The following SULF2 variants were observed in gnomAD, a reference collection of about 807,000 sequenced individuals.
SULF2 encodes extracellular sulfatase Sulf-2.
Under a neutral mutation model 107.7 loss-of-function variants are expected in SULF2, and 52 were observed. That is an observed-to-expected ratio of 0.48 (90% CI 0.39 to 0.61). The LOEUF is 0.61. Ranked by LOEUF, SULF2 falls within the 20% of genes least tolerant of loss-of-function variation. The pLI, the probability that SULF2 is intolerant of heterozygous loss-of-function variation, is 0.00. For synonymous variants in SULF2, 460 were observed against 464.3 expected, an observed-to-expected ratio of 0.99 and a Z score of 0.12; for missense variants, 993 against 1,177.3, an observed-to-expected ratio of 0.84 and a Z score of 2.29.
chr20:47,712,049 C>T (rs1423120601), intron 3 of SULF2, among the ~76,000 whole-genome samples: 1 of 152,184 alleles, frequency 6.6e-6, no homozygotes, highest in Non-Finnish European at 1.5e-5. Flanking sequence ...TACACGAATA[C>T]ACAACATACA....
In SULF2 at chr20:47,664,201, C is replaced by G. The variant is rs79684977; in HGVS notation, c.1998-12G>C. ...GCTGGGTGTGGTAGCTGTAACAGAC[C>G]CCCCCAGCCCCAGGCTTCAGGAGTG... is the stretch of plus-strand genomic sequence containing the variant. On this transcript the variant is annotated splice_polypyrimidine_tract_variant and intron_variant, in intron 14 of 20. Coordinates refer to ENST00000688720, the MANE Select transcript of SULF2 (RefSeq NM_001387048.1). 39 of 1,608,790 alleles carry G rather than the reference C, an allele frequency of 2.4e-5. No homozygotes were observed. The highest frequency in any genetic ancestry group is 2.6e-5 in the Non-Finnish European group (31 of 1,178,072).
intron 3 of SULF2, among the ~76,000 whole-genome samples, chr20:47,724,108 C>T (rs376733638): frequency 2.4e-4 from 36 of 152,198 alleles, no homozygotes; most frequent in African/African-American, 5.1e-4. Context: ...GAGGTGAGCA[C>T]ACCCAGGCCA....
chr20:47,779,289 G>A lies in SULF2; in HGVS notation c.-101+6054C>T, dbSNP rs77948803. Among the ~76,000 whole-genome samples, 407 of 152,244 alleles carry A rather than the reference G, an allele frequency of 2.7e-3. 14 individuals are homozygous for A. In the East Asian group the frequency reaches 0.074, roughly 28 times the overall value. On this transcript the variant is annotated intron_variant, in intron 1 of 20. Coordinates refer to ENST00000688720, the MANE Select transcript of SULF2 (RefSeq NM_001387048.1). Reference sequence around the variant, plus strand: ...AGTTGGGACAACCTATACTGTCTCCGGATAGTGTTAAAATGTTTTCTGGGT... The same window carrying A: ...AGTTGGGACAACCTATACTGTCTCCAGATAGTGTTAAAATGTTTTCTGGGT...
rs376812087 is a variant in SULF2 at position 47,666,211 on chromosome 20, C to T, written c.1805+49G>A. ...CCAAGAGGTGTGGGAAGCCCTTTGC[C>T]GAGGTCTGTCCTGTCCCCTTCACCC... On this transcript the variant is annotated intron_variant, in intron 12 of 20. Transcript: ENST00000688720. The surrounding 1 kb of genome is among the most constrained non-coding windows in gnomAD (Gnocchi z 5.4). The T allele has an allele frequency of 3.7e-5, 59 of 1,611,046 alleles. No homozygotes were observed. The highest frequency in any genetic ancestry group is 6.7e-5 in the Admixed American group (4 of 59,786).
chr20:47,733,708 G>A (rs987750352), intron 3 of SULF2, among the ~76,000 whole-genome samples: 1 of 152,224 alleles, frequency 6.6e-6, no homozygotes, highest in African/African-American at 2.4e-5. Flanking sequence ...AGGAGGCAGA[G>A]GTTGTAGTGA....
intron 7 of SULF2, among the ~76,000 whole-genome samples, chr20:47,681,587 G>A (rs1342757438): frequency 2.0e-5 from 3 of 152,164 alleles, no homozygotes; most frequent in Non-Finnish European, 2.9e-5. Context: ...CTTACTTGCT[G>A]TAAACTCAGG....
chr20:47,678,920 T>TTCCATACCTGCAG lies in SULF2; in HGVS notation c.1065-117_1065-116insCTGCAGGTATGGA. On this transcript the variant is annotated intron_variant, in intron 7 of 20. Coordinates refer to ENST00000688720, the MANE Select transcript of SULF2 (RefSeq NM_001387048.1). This position sits in a 1 kb window ranked among gnomAD's most constrained non-coding sequence, Gnocchi z 4.5. The stretch of plus-strand genomic sequence containing the variant: ...TTTGTGGGAGGCTGACATCTGCAGG[T>TTCCATACCTGCAG]ATGGAAGCTGCAGTCTGGCACCTCA... 1.2e-6 allele frequency: 1 copy of TTCCATACCTGCAG among 860,900 alleles called. No individual in the cohort carries two copies. The highest frequency in any genetic ancestry group is 1.9e-6 in the Non-Finnish European group (1 of 531,588). 53.3% of individuals were successfully genotyped at this position (860,900 alleles called of 1,614,324 possible).
In SULF2 at chr20:47,668,160, T is replaced by C. The variant is rs189012669; in HGVS notation, c.1577-1672A>G. 4.6e-5 allele frequency among the ~76,000 whole-genome samples: 7 copies of C among 152,328 alleles called. No individual in the cohort carries two copies. In the East Asian group the frequency reaches 9.6e-4, roughly 21 times the overall value. On this transcript the variant is annotated intron_variant, in intron 11 of 20. Transcript: ENST00000688720. ...CAGCGTGTCCTCTCCACTCCTTTTG[T>C]CTCAGTCGGCTCATAAGTGAGCTGC...
chr20:47,756,087 A>G (rs976285622), intron 2 of SULF2, among the ~76,000 whole-genome samples: 3 of 152,254 alleles, frequency 2.0e-5, no homozygotes, highest in Non-Finnish European at 4.4e-5. Flanking sequence ...CGTGCAGGGC[A>G]TCGGAAATTC....
chr20:47,689,295 T>C (rs73913420), intron 5 of SULF2, among the ~76,000 whole-genome samples: 19,290 of 152,256 alleles, frequency 0.13, 1,910 homozygotes, highest in African/African-American at 0.28. Context: ...GTGTGACCAA[T>C]AGAATGTGGC....
intron 1 of SULF2, among the ~76,000 whole-genome samples, chr20:47,772,296 C>T (rs1306559625): frequency 6.6e-6 from 1 of 152,230 alleles, no homozygotes; most frequent in Non-Finnish European, 1.5e-5. Context: ...ACAGGGTGTT[C>T]ACAGGCCTCT....
chr20:47,727,381 C>T (rs2089473191), intron 3 of SULF2, among the ~76,000 whole-genome samples: 1 of 152,148 alleles, frequency 6.6e-6, no homozygotes, highest in South Asian at 2.1e-4. Context: ...AGATTCCCAG[C>T]AACCCCCAGG....
chr20:47,676,458 AG>A (rs755212212), intron 10 of SULF2, 35 bp downstream of exon 10: 2 of 1,596,350 alleles, frequency 1.3e-6, no homozygotes, highest in African/African-American at 1.3e-5. Flanking sequence ...TGCAGTCAGG[AG>A]GGGGAGCCGT....
In SULF2 at chr20:47,757,329, G is replaced by T. The variant is rs1485861920; in HGVS notation, c.35C>A (p.Ser12Tyr). The T allele has an allele frequency of 6.2e-7, 1 of 1,603,594 alleles. No individual in the cohort carries two copies. Among genetic ancestry groups the T allele is most frequent in the South Asian group, 1.1e-5 (1 of 89,006 alleles). ...ACCCAGCAGGGAGAACACAGTTGCGGACAGCAAGCACAGCACGAGGCTCGG... is the reference window on the plus strand; with the variant it reads ...ACCCAGCAGGGAGAACACAGTTGCGTACAGCAAGCACAGCACGAGGCTCGG... Reference protein sequence around the residue: ...GPPSLVLCLLSATVFSLLGGS... With the variant: ...GPPSLVLCLLYATVFSLLGGS... Residue 12 changes from serine to tyrosine, a missense_variant, in exon 2 of 21, where the codon TCC becomes TAC. Around this residue, in one of 3 missense-constraint regions of SULF2, gnomAD observed 388 missense variants for 449.2 expected, o/e 0.86. Coordinates refer to ENST00000688720, the MANE Select transcript of SULF2 (RefSeq NM_001387048.1).
chr20:47,778,496 C>A (rs149944315), intron 1 of SULF2, among the ~76,000 whole-genome samples: 1 of 152,332 alleles, frequency 6.6e-6, no homozygotes, highest in East Asian at 1.9e-4. Flanking sequence ...ATTAAGAGAA[C>A]GTGGGGAATT....
intron 2 of SULF2, among the ~76,000 whole-genome samples, chr20:47,756,420 G>A (rs1382699958): frequency 6.6e-6 from 1 of 152,158 alleles, no homozygotes; most frequent in African/African-American, 2.4e-5. Flanking sequence ...GCATTGCAAG[G>A]AACAACTTGG....
At chr20:47,756,517 C>G (rs905006022) in intron 2 of SULF2, among the ~76,000 whole-genome samples, 1 of 152,180 alleles carries the variant, frequency 6.6e-6, no homozygotes, top group Admixed American at 6.5e-5. Context: ...TTTGTTGCCA[C>G]CAACAACACG....
rs2087667147 is a variant in SULF2 at position 47,677,073 on chromosome 20, C to T, written c.1250+5G>A. 1 of 1,613,532 alleles carries T rather than the reference C, an allele frequency of 6.2e-7. No homozygotes were observed. The highest frequency in any genetic ancestry group is 1.7e-5 in the Admixed American group (1 of 59,988). ...GGGGTGTCCCTCCCAGGACCCGGCA[C>T]TCACCCTCTCTCCACCAAGAAGGAG... On this transcript the variant is annotated splice_donor_5th_base_variant and intron_variant, in intron 9 of 20. Coordinates refer to ENST00000688720, the MANE Select transcript of SULF2 (RefSeq NM_001387048.1).
chr20:47,728,018 C>T lies in SULF2; in HGVS notation c.415+8685G>A, dbSNP rs199581650. Reference sequence around the variant, plus strand: ...GGGTCCCAGGAGGGGCTGTGCAATTCCCGTGGATACTCGGATCCCCACAGT... The same window carrying T: ...GGGTCCCAGGAGGGGCTGTGCAATTTCCGTGGATACTCGGATCCCCACAGT... On this transcript the variant is annotated intron_variant, in intron 3 of 20. Transcript: ENST00000688720. Among the ~76,000 whole-genome samples the T allele has an allele frequency of 1.6e-4, 25 of 152,274 alleles. No individual in the cohort carries two copies. In the East Asian group the frequency reaches 4.6e-3, roughly 28 times the overall value.
Sources: gnomAD v4.1 joint callset for allele counts (sites outside exome capture counted in the v4.1 genomes callset) on GRCh38, gnomAD v4.1.1 for gene constraint, gnomAD v4.1.1 regional missense constraint, Gnocchi (gnomAD v3.1) non-coding constraint, MANE v1.5 for transcripts, NCBI Gene and HGNC (gene_info 2026-07-23, HGNC 2026-07-21) for gene names.